Variants in CHD5 observed in about 807,000 individuals in gnomAD.
The protein encoded by CHD5 is chromodomain helicase DNA binding protein 5.
Under a neutral mutation model 230.3 loss-of-function variants are expected in CHD5, and 69 were observed. The ratio of observed to expected loss-of-function variants is 0.30; its 90% CI spans 0.25 to 0.37. CHD5 has a LOEUF of 0.37. Among genes scored for constraint, CHD5 ranks in the 10% least tolerant of loss-of-function variants. The pLI, the probability that CHD5 is intolerant of heterozygous loss-of-function variation, is 1.00. For missense variants in CHD5, 1,827 were observed against 2,622.8 expected, an observed-to-expected ratio of 0.70 and a Z score of 6.63; for synonymous variants, 1,064 against 1,065.9, an observed-to-expected ratio of 1.00 and a Z score of 0.03.
Position 6,146,574 on chromosome 1 carries a change from A to G in CHD5, c.1590+91T>C. ...CAACTCCCAACAGCACCCCTCAGTC[A>G]GAGGCGCTTCAGCCCCTTCCCGCCA... On this transcript the variant is annotated intron_variant, in intron 10 of 41. Coordinates refer to ENST00000262450, the MANE Select transcript of CHD5 (RefSeq NM_015557.3). The surrounding 1 kb of genome is among the most constrained non-coding windows in gnomAD (Gnocchi z 5.1). 6.9e-7 allele frequency: 1 copy of G among 1,442,356 alleles called. No individual in the cohort carries two copies. Among genetic ancestry groups the G allele is most frequent in the South Asian group, 1.2e-5 (1 of 86,158 alleles). The allele number at this position is 1,442,356 out of a possible 1,614,324, so 89.3% of individuals were successfully genotyped here. A position where few individuals can be genotyped will look rare whatever the true frequency, so the allele number is the denominator to read the frequency against.
At chr1:6,150,673 G>C (rs566606200) in intron 7 of CHD5, among the ~76,000 whole-genome samples, 8 of 152,258 alleles carry the variant, frequency 5.3e-5, no homozygotes, top group Admixed American at 5.2e-4. Context: ...AGGTAAAGAT[G>C]GGTGTTAAGT....
chr1:6,143,711 A>G (rs1666866068), intron 13 of CHD5, 112 bp downstream of exon 13: 2 of 955,120 alleles, frequency 2.1e-6, no homozygotes, highest in Admixed American at 1.9e-5. Context: ...TGCATAAGCC[A>G]TGAGGGCCCA....
Position 6,149,334 on chromosome 1 carries a change from C to T in CHD5, c.1073G>A (p.Cys358Tyr). The change falls in exon 8 of 42, where the codon TGC becomes TAC. Residue 358 changes from cysteine to tyrosine, a missense_variant. Coordinates refer to ENST00000262450, the MANE Select transcript of CHD5 (RefSeq NM_015557.3). ...ATGGTAGGCCCTCGGGCAGGTGTCG[C>T]ACAGGATGATCTCCCCACCCTGCTG... ...VCQQGGEIIL[C>Y]DTCPRAYHLV... 1 of 1,613,290 alleles carries T rather than the reference C, an allele frequency of 6.2e-7. No individual in the cohort carries two copies. The highest frequency in any genetic ancestry group is 8.5e-7 in the Non-Finnish European group (1 of 1,179,796).
In CHD5 at chr1:6,128,737, G is replaced by T; in HGVS notation, c.3619+101C>A. 1 of 1,267,866 alleles carries T rather than the reference G, an allele frequency of 7.9e-7. No homozygotes were observed. Among genetic ancestry groups the T allele is most frequent in the Non-Finnish European group, 1.1e-6 (1 of 886,910 alleles). 78.5% of individuals were successfully genotyped at this position (1,267,866 alleles called of 1,614,324 possible). On this transcript the variant is annotated intron_variant, in intron 23 of 41. Transcript: ENST00000262450. The surrounding 1 kb of genome is among the most constrained non-coding windows in gnomAD (Gnocchi z 7.8). Reference sequence around the variant, plus strand: ...TACAGGTGGGGGGTGCAGAAGAGAGGCTGTGTGTTGGAGCGGGCAGGGACC... The same window carrying T: ...TACAGGTGGGGGGTGCAGAAGAGAGTCTGTGTGTTGGAGCGGGCAGGGACC...
chr1:6,116,999 C>G (rs1666387886), intron 33 of CHD5, among the ~76,000 whole-genome samples: 2 of 152,120 alleles, frequency 1.3e-5, no homozygotes, highest in Non-Finnish European at 2.9e-5. Context: ...AGAGCTAAAG[C>G]TATCTAAAGT....
chr1:6,166,879 C>CCTT (rs1557562552), intron 2 of CHD5, among the ~76,000 whole-genome samples: 1 of 152,146 alleles, frequency 6.6e-6, no homozygotes, highest in African/African-American at 2.4e-5. Flanking sequence ...ACCTTGTTCA[C>CCTT]GGGACAAGAG....
Position 6,121,608 on chromosome 1 carries a change from G to A in CHD5, c.4700-35C>T, listed in dbSNP as rs373392010. On this transcript the variant is annotated intron_variant, in intron 31 of 41. Coordinates refer to ENST00000262450, the MANE Select transcript of CHD5 (RefSeq NM_015557.3). The surrounding 1 kb of genome is among the most constrained non-coding windows in gnomAD (Gnocchi z 4.5). Reference sequence around the variant, plus strand: ...CAAGGGAAAGAGCTGAGACAGGTGGGCTCAGACGGGAAGGAGTAGGGCAGG... The same window carrying A: ...CAAGGGAAAGAGCTGAGACAGGTGGACTCAGACGGGAAGGAGTAGGGCAGG... 1.4e-5 allele frequency: 22 copies of A among 1,532,072 alleles called. No homozygotes were observed. The African/African-American group carries it at 2.0e-4, about 14-fold the overall frequency. The allele number at this position is 1,532,072 out of a possible 1,614,324, so 94.9% of individuals were successfully genotyped here.
At chr1:6,151,257 G>C (rs1028236069) in intron 6 of CHD5, 102 bp from the exon 7 acceptor site, 378 of 1,328,152 alleles carry the variant, frequency 2.8e-4, no homozygotes, top group Non-Finnish European at 3.6e-4. Context: ...AGGCTCTGGA[G>C]ACACAGTGCT....
chr1:6,151,098 A>G lies in CHD5; in HGVS notation c.928T>C (p.Ser310Pro). 2 of 1,609,790 alleles carry G rather than the reference A, an allele frequency of 1.2e-6. No individual in the cohort carries two copies. Among genetic ancestry groups the G allele is most frequent in the South Asian group, 1.1e-5 (1 of 89,814 alleles). The change falls in exon 7 of 42, where the codon TCC becomes CCC. Residue 310 changes from serine (S) to proline (P), a missense_variant. Physicochemically the swap from Ser to Pro is moderately conservative, Grantham distance 74. Transcript: ENST00000262450. ...GCTGCAGAGCATTCGGAGCGCACGG[A>G]GGCACTGTGGATGCTGGCGCTGTCG... is the stretch of plus-strand genomic sequence containing the variant. ...DFDSASIHSA[S>P]VRSECSAALG...
At chr1:6,111,506 C>A (rs1009486262) in intron 36 of CHD5, among the ~76,000 whole-genome samples, 1 of 151,128 alleles carries the variant, frequency 6.6e-6, no homozygotes, top group African/African-American at 2.4e-5. Context: ...TACACTCCAG[C>A]CTGGGTGACA....
intron 7 of CHD5, among the ~76,000 whole-genome samples, chr1:6,150,047 AATGG>A (rs1421595084): frequency 2.2e-5 from 3 of 136,540 alleles, no homozygotes; most frequent in Non-Finnish European, 4.6e-5. Flanking sequence ...ATGGATGAGT[AATGG>A]ATGGACAAAT....
rs747961240 is a variant in CHD5, at chr1:6,112,998, T to A, written c.4913A>T (p.Glu1638Val). 1 of 1,611,540 alleles carries A rather than the reference T, an allele frequency of 6.2e-7. No individual in the cohort carries two copies. The highest frequency in any genetic ancestry group is 1.3e-5 in the African/African-American group (1 of 74,896). The change falls in exon 34 of 42, where the codon GAG becomes GTG. Residue 1638 changes from glutamate (E) to valine (V), a missense_variant and splice_region_variant. Glu to Val is a moderately radical substitution (Grantham distance 121). Coordinates refer to ENST00000262450, the MANE Select transcript of CHD5 (RefSeq NM_015557.3). ...CTTCTCCTTCTCAGGAAGCACCTCCTCTGCAAGAAAAAGAGGGTTCGCGGC... is the reference window on the plus strand; with the variant it reads ...CTTCTCCTTCTCAGGAAGCACCTCCACTGCAAGAAAAAGAGGGTTCGCGGC... ...APPSPEQLPR[E>V]EVLPEKEKIL...
At chr1:6,169,447 T>A (rs1214424762) in intron 1 of CHD5, among the ~76,000 whole-genome samples, 4 of 152,194 alleles carry the variant, frequency 2.6e-5, no homozygotes, top group African/African-American at 9.7e-5. Flanking sequence ...CAGTCCCAGG[T>A]CTGCCTCCCT....
Position 6,109,525 on chromosome 1 carries a change from G to A in CHD5, c.5578+270C>T, listed in dbSNP as rs368662091. Among the ~76,000 whole-genome samples, 41 of 152,320 alleles carry A rather than the reference G, an allele frequency of 2.7e-4. 3 individuals are homozygous for A. The highest frequency in any genetic ancestry group is 1.4e-3 in the Admixed American group (21 of 15,306). ...AGGACTCAGAAGCCTTTACAGTTTCGTGGTTTTCTGTGTCACTAGCCCGGG... is the reference window on the plus strand; with the variant it reads ...AGGACTCAGAAGCCTTTACAGTTTCATGGTTTTCTGTGTCACTAGCCCGGG... On this transcript the variant is annotated intron_variant, in intron 38 of 41. Coordinates refer to ENST00000262450, the MANE Select transcript of CHD5 (RefSeq NM_015557.3).
At chr1:6,143,736 T>G in intron 13 of CHD5, 87 bp downstream of exon 13, 12 of 1,208,700 alleles carry the variant, frequency 9.9e-6, no homozygotes, top group Non-Finnish European at 1.4e-5. Context: ...AACATCCTTT[T>G]GAGAACACAC....
chr1:6,164,958 G>T (rs1376713757), intron 2 of CHD5, among the ~76,000 whole-genome samples: 1 of 152,188 alleles, frequency 6.6e-6, no homozygotes, highest in Non-Finnish European at 1.5e-5. Flanking sequence ...AGGTTACCAA[G>T]GTGGACACCA....
At chr1:6,148,229 G>A (rs1571159857) in intron 9 of CHD5, among the ~76,000 whole-genome samples, 1 of 152,182 alleles carries the variant, frequency 6.6e-6, no homozygotes, top group East Asian at 1.9e-4. Context: ...ACAGCTCAGA[G>A]CAAGGGGCCT....
intron 33 of CHD5, among the ~76,000 whole-genome samples, chr1:6,117,620 A>T (rs2100836767): frequency 6.6e-6 from 1 of 152,368 alleles, no homozygotes; most frequent in South Asian, 2.1e-4. Context: ...TTTAAAGTAG[A>T]CAAAGGATCT....
At chr1:6,127,501 AG>A (rs1389569448) in intron 25 of CHD5, among the ~76,000 whole-genome samples, 1 of 151,380 alleles carries the variant, frequency 6.6e-6, no homozygotes, top group Non-Finnish European at 1.5e-5. Context: ...AAAAAAAAAA[AG>A]AAAATTGTGG....
Sources: gnomAD v4.1 joint callset for allele counts (sites outside exome capture counted in the v4.1 genomes callset) on GRCh38, gnomAD v4.1.1 for gene constraint, Gnocchi (gnomAD v3.1) non-coding constraint, MANE v1.5 for transcripts, NCBI Gene and HGNC (gene_info 2026-07-23, HGNC 2026-07-21) for gene names.